ZCCHC7: variants seen among roughly 807,000 people sequenced by gnomAD.
The protein encoded by ZCCHC7 is zinc finger CCHC-type containing 7, also known as zinc finger CCHC domain-containing protein 7.
ZCCHC7 carries 35 observed loss-of-function variants against 52.0 expected under a neutral mutation model. The ratio of observed to expected loss-of-function variants is 0.67; its 90% confidence interval spans 0.51 to 0.89. The LOEUF (loss-of-function observed/expected upper bound fraction) is 0.89, where lower values mean the gene tolerates loss of function less well. ZCCHC7 is among the 40% of genes least tolerant of loss of function. ZCCHC7 has a pLI of 0.00. For synonymous variants in ZCCHC7, 217 were observed against 221.5 expected (o/e 0.98, Z 0.18); for missense variants, 574 against 649.1 (o/e 0.88, Z 1.26).
At position 37,357,422 on chromosome 9, in the gene ZCCHC7, A is replaced by C; in HGVS notation, c.*154A>C. ...CCATTCCTAGAGTTACTGAATATCC[A>C]TGGAGATCTCAATTCTCTGTGTCCA... On this transcript the variant is annotated 3_prime_UTR_variant, in exon 9 of 9. Transcript: ENST00000336755. 1.6e-6 allele frequency: 1 copy of C among 617,562 alleles called. No individual in the cohort carries two copies. The highest frequency in any genetic ancestry group is 2.6e-6 in the Non-Finnish European group (1 of 388,026). 38.3% of individuals were successfully genotyped at this position (617,562 alleles called of 1,614,324 possible).
intron 5 of ZCCHC7, among the ~76,000 whole-genome samples, chr9:37,320,406 T>A (rs1279905585): frequency 6.6e-6 from 1 of 152,184 alleles, no homozygotes; most frequent in Non-Finnish European, 1.5e-5. Flanking sequence ...CAAAATAACT[T>A]TTGCTGTTCT....
chr9:37,182,614 C>T (rs1588441369), intron 2 of ZCCHC7, among the ~76,000 whole-genome samples: 1 of 152,270 alleles, frequency 6.6e-6, no homozygotes, highest in African/African-American at 2.4e-5. Context: ...GATCCGTCCA[C>T]CTCAGCCTCC....
intron 2 of ZCCHC7, among the ~76,000 whole-genome samples, chr9:37,249,557 T>C (rs1028229410): frequency 2.0e-5 from 3 of 147,902 alleles, no homozygotes; most frequent in African/African-American, 7.5e-5. Context: ...GTTCAAGCAA[T>C]TCTCCTGCCT....
intron 5 of ZCCHC7, among the ~76,000 whole-genome samples, chr9:37,319,449 ACAGGGTCTTACTCTGT>A (rs1829965892): frequency 6.6e-6 from 1 of 152,018 alleles, no homozygotes; most frequent in African/African-American, 2.4e-5. Flanking sequence ...GTTTTTTGAG[ACAGGGTCTTACTCTGT>A]CCCCCAGGCT....
At chr9:37,161,400 C>T (rs1821095844) in intron 2 of ZCCHC7, among the ~76,000 whole-genome samples, 1 of 151,956 alleles carries the variant, frequency 6.6e-6, no homozygotes, top group African/African-American at 2.4e-5. Context: ...CGGTGAAACC[C>T]CATCTCTACT....
At chr9:37,274,594 C>T (rs1008541495) in intron 2 of ZCCHC7, among the ~76,000 whole-genome samples, 1 of 152,026 alleles carries the variant, frequency 6.6e-6, no homozygotes, top group African/African-American at 2.4e-5. Context: ...CTGCCTCAGC[C>T]TCCCAAAGTG....
At chr9:37,318,781 C>T (rs569966020) in intron 5 of ZCCHC7, among the ~76,000 whole-genome samples, 13 of 151,328 alleles carry the variant, frequency 8.6e-5, no homozygotes, top group Non-Finnish European at 1.3e-4. Flanking sequence ...GGCGTGGCAG[C>T]GCACACCTAT....
chr9:37,330,057 G>A (rs952967652), intron 6 of ZCCHC7, among the ~76,000 whole-genome samples: 1 of 151,660 alleles, frequency 6.6e-6, no homozygotes, highest in Non-Finnish European at 1.5e-5. Flanking sequence ...CAACTAGAGG[G>A]TCATTTACAG....
intron 2 of ZCCHC7, among the ~76,000 whole-genome samples, chr9:37,143,977 A>G (rs1843334599): frequency 6.6e-6 from 1 of 151,872 alleles, no homozygotes; most frequent in East Asian, 1.9e-4. Context: ...TTGGTGTGTA[A>G]TAATTTTATT....
chr9:37,224,166 G>A (rs892584493), intron 2 of ZCCHC7, among the ~76,000 whole-genome samples: 1 of 152,050 alleles, frequency 6.6e-6, no homozygotes, highest in African/African-American at 2.4e-5. Flanking sequence ...TATACCGCTT[G>A]CGAGAGTTTG....
intron 2 of ZCCHC7, among the ~76,000 whole-genome samples, chr9:37,299,913 T>C (rs1828953241): frequency 6.6e-6 from 1 of 152,196 alleles, no homozygotes; most frequent in South Asian, 2.1e-4. Context: ...AAGCAGCTTT[T>C]TCTCAACCAA....
At chr9:37,295,745 T>G (rs1476220931) in intron 2 of ZCCHC7, among the ~76,000 whole-genome samples, 1 of 152,098 alleles carries the variant, frequency 6.6e-6, no homozygotes, top group Admixed American at 6.5e-5. Context: ...ATAATTCCAT[T>G]TTAGTGAATA....
chr9:37,304,047 T>C (rs866463312), intron 3 of ZCCHC7, 141 bp from the exon 4 acceptor site: 2 of 747,848 alleles, frequency 2.7e-6, no homozygotes, highest in Non-Finnish European at 4.2e-6. Flanking sequence ...CTAATAATTC[T>C]CTTGCTTTAT....
chr9:37,307,710 G>T (rs939957452), intron 5 of ZCCHC7, among the ~76,000 whole-genome samples: 1 of 151,456 alleles, frequency 6.6e-6, no homozygotes, highest in Non-Finnish European at 1.5e-5. Context: ...ATGGCTTTCT[G>T]TTGAAATGAA....
chr9:37,305,499 T>C, intron 4 of ZCCHC7, 45 bp from the exon 5 acceptor site: 1 of 1,604,338 alleles, frequency 6.2e-7, no homozygotes, highest in Non-Finnish European at 8.5e-7. Flanking sequence ...ACTAATCTTC[T>C]ACCTTTTGAG....
chr9:37,256,019 A>G (rs533613943), intron 2 of ZCCHC7, among the ~76,000 whole-genome samples: 16 of 152,286 alleles, frequency 1.1e-4, no homozygotes, highest in East Asian at 9.6e-4. Flanking sequence ...TCAGATCAAC[A>G]TTAGTAGGTG....
intron 2 of ZCCHC7, among the ~76,000 whole-genome samples, chr9:37,265,740 C>T (rs150036693): frequency 1.7e-3 from 264 of 152,214 alleles, no homozygotes; most frequent in African/African-American, 5.5e-3. Context: ...TGTTTTCCAG[C>T]GACCATTTTC....
At chr9:37,212,764 G>A (rs1304506802) in intron 2 of ZCCHC7, among the ~76,000 whole-genome samples, 3 of 152,252 alleles carry the variant, frequency 2.0e-5, no homozygotes, top group Middle Eastern at 3.4e-3. Flanking sequence ...CCTAAACACA[G>A]TGTTAACAGC....
At chr9:37,216,225 G>A (rs540203643) in intron 2 of ZCCHC7, among the ~76,000 whole-genome samples, 1 of 152,226 alleles carries the variant, frequency 6.6e-6, no homozygotes, top group South Asian at 2.1e-4. Flanking sequence ...TGAATTGCCT[G>A]TATATGGTTC....
Sources: gnomAD v4.1 joint callset for allele counts (sites outside exome capture counted in the v4.1 genomes callset) on GRCh38, gnomAD v4.1.1 for gene constraint, MANE v1.5 for transcripts, NCBI Gene and HGNC (gene_info 2026-07-23, HGNC 2026-07-21) for gene names.